DCC: variants seen among roughly 807,000 people sequenced by gnomAD.
DCC encodes DCC netrin 1 receptor, also known as netrin receptor DCC.
Under a neutral mutation model 172.5 loss-of-function variants are expected in DCC, and 58 were observed. The observed-to-expected ratio is 0.34, with a 90% CI of 0.27 to 0.42. DCC has a LOEUF of 0.42. Among genes scored for constraint, DCC ranks in the 10% least tolerant of loss-of-function variants. The probability of loss-of-function intolerance (pLI) is 1.00; values close to 1 mark genes in which losing one functional copy is unlikely to be tolerated. For missense variants in DCC, 1,740 were observed against 1,791.0 expected (o/e 0.97, Z 0.51); for synonymous variants, 709 against 644.5 (o/e 1.10, Z -1.52).
chr18:52,956,504 T>C (rs114152860), intron 5 of DCC, among the ~76,000 whole-genome samples: 157 of 152,242 alleles, frequency 1.0e-3, no homozygotes, highest in African/African-American at 3.2e-3. Flanking sequence ...AGATTTATAG[T>C]AGTAAATCTT....
chr18:52,944,114 T>C (rs1420416189), intron 5 of DCC, among the ~76,000 whole-genome samples: 2 of 152,142 alleles, frequency 1.3e-5, no homozygotes, highest in Non-Finnish European at 2.9e-5. Flanking sequence ...GGGTTTTAAA[T>C]AGTAAAATAA....
intron 1 of DCC, among the ~76,000 whole-genome samples, chr18:52,544,906 A>G (rs1002087171): frequency 6.6e-6 from 1 of 152,188 alleles, no homozygotes; most frequent in Admixed American, 6.5e-5. Context: ...AACCTAATGA[A>G]GGTTAGATTA....
At chr18:52,891,951 A>G (rs1179757729) in intron 2 of DCC, among the ~76,000 whole-genome samples, 1 of 152,102 alleles carries the variant, frequency 6.6e-6, no homozygotes, top group African/African-American at 2.4e-5. Flanking sequence ...TGTAAATCTG[A>G]TCACGTCATT....
chr18:53,394,939 C>T (rs953589059), intron 17 of DCC, among the ~76,000 whole-genome samples: 1 of 150,910 alleles, frequency 6.6e-6, no homozygotes, highest in Non-Finnish European at 1.5e-5. Context: ...GTCAGGAGTT[C>T]GAGACCAGCC....
intron 1 of DCC, among the ~76,000 whole-genome samples, chr18:52,413,161 A>G (rs1986899060): frequency 6.6e-6 from 1 of 151,716 alleles, no homozygotes; most frequent in Non-Finnish European, 1.5e-5. Flanking sequence ...TTAAAATAAT[A>G]TATCCACATT....
intron 12 of DCC, among the ~76,000 whole-genome samples, chr18:53,301,568 C>G (rs964847871): frequency 6.6e-6 from 1 of 152,170 alleles, no homozygotes; most frequent in Non-Finnish European, 1.5e-5. Flanking sequence ...CAAACAGGCT[C>G]TTTCTTTCCC....
chr18:53,370,866 G>T (rs552923872), intron 15 of DCC, among the ~76,000 whole-genome samples: 66 of 151,672 alleles, frequency 4.4e-4, no homozygotes, highest in Admixed American at 1.3e-3. Context: ...GGTTTGTTTT[G>T]TTAAGTCCTC....
intron 1 of DCC, among the ~76,000 whole-genome samples, chr18:52,402,008 A>T (rs1006445666): frequency 2.6e-5 from 4 of 151,988 alleles, no homozygotes; most frequent in African/African-American, 9.7e-5. Flanking sequence ...TTCACATAAG[A>T]TGGTTGACTG....
At chr18:53,310,949 CCGT>C in intron 13 of DCC, among the ~76,000 whole-genome samples, 1 of 147,234 alleles carries the variant, frequency 6.8e-6, no homozygotes, top group Non-Finnish European at 1.5e-5. Context: ...GCTAGTTACA[CCGT>C]ACTACCCTTA....
chr18:52,601,272 T>C (rs1379977248), intron 1 of DCC, among the ~76,000 whole-genome samples: 5 of 152,100 alleles, frequency 3.3e-5, no homozygotes, highest in Admixed American at 3.3e-4. Context: ...GTCTTTATTA[T>C]CTAGTTTGTG....
At chr18:53,056,652 G>A (rs1423893501) in intron 5 of DCC, among the ~76,000 whole-genome samples, 2 of 152,034 alleles carry the variant, frequency 1.3e-5, no homozygotes, top group Non-Finnish European at 2.9e-5. Context: ...AAGATTAATG[G>A]CCTTATTATG....
chr18:52,549,796 T>G (rs1362161661), intron 1 of DCC, among the ~76,000 whole-genome samples: 1 of 152,066 alleles, frequency 6.6e-6, no homozygotes, highest in Non-Finnish European at 1.5e-5. Flanking sequence ...TTTTATACTT[T>G]TTTTCTTTTC....
At chr18:53,384,502 C>T (rs988865499) in intron 15 of DCC, among the ~76,000 whole-genome samples, 1 of 152,012 alleles carries the variant, frequency 6.6e-6, no homozygotes, top group African/African-American at 2.4e-5. Flanking sequence ...TTATCACTTT[C>T]TCCTGAATCC....
In DCC at chr18:52,594,454, T is replaced by A. The variant is rs2033866580; in HGVS notation, c.92-157600T>A. On this transcript the variant is annotated intron_variant, in intron 1 of 28. Coordinates refer to ENST00000442544, the MANE Select transcript of DCC (RefSeq NM_005215.4). ...TAGTGACCTGCTGACTTTGGCCTTA[T>A]ACTGCCTATTGGAGAGGAGACAGGA... 1.3e-5 allele frequency among the ~76,000 whole-genome samples: 2 copies of A among 152,208 alleles called. 1 individual carries two copies. Among genetic ancestry groups the A allele is most frequent in the South Asian group, 4.1e-4 (2 of 4,830 alleles).
chr18:53,242,848 GT>G (rs1268407297), intron 12 of DCC, among the ~76,000 whole-genome samples: 1 of 150,970 alleles, frequency 6.6e-6, no homozygotes, highest in African/African-American at 2.4e-5. Flanking sequence ...GGATAAAGGT[GT>G]CCAGACCTAT....
intron 2 of DCC, among the ~76,000 whole-genome samples, chr18:52,789,248 A>G (rs1234773677): frequency 9.2e-5 from 14 of 151,760 alleles, no homozygotes; most frequent in Non-Finnish European, 2.1e-4. Flanking sequence ...GTTTTGTGAG[A>G]AAAACAGGTT....
chr18:53,513,717 G>A (rs1280928737), intron 27 of DCC, among the ~76,000 whole-genome samples: 5 of 151,432 alleles, frequency 3.3e-5, no homozygotes, highest in Non-Finnish European at 7.4e-5. Context: ...AGACAAAGAA[G>A]ACCATTACAT....
rs1202851009 is a variant in DCC at position 52,962,567 on chromosome 18, A to C, written c.985+37197A>C. Among the ~76,000 whole-genome samples the C allele has an allele frequency of 4.6e-5, 7 of 152,124 alleles. No individual in the cohort carries two copies. In the East Asian group the frequency reaches 1.2e-3, roughly 25 times the overall value. On this transcript the variant is annotated intron_variant, in intron 5 of 28. Coordinates refer to ENST00000442544, the MANE Select transcript of DCC (RefSeq NM_005215.4). Reference sequence around the variant, plus strand: ...TGTGGCGATTCCTCAGGGATCTAGAACTAGAAATACCATTTGACCCAGCCA... The same window carrying C: ...TGTGGCGATTCCTCAGGGATCTAGACCTAGAAATACCATTTGACCCAGCCA...
chr18:53,311,039 C>A (rs1599011217), intron 13 of DCC, among the ~76,000 whole-genome samples: 1 of 134,526 alleles, frequency 7.4e-6, no homozygotes, highest in Non-Finnish European at 1.6e-5. Flanking sequence ...ACTTTATGAT[C>A]CTGACAAACA....
Sources: gnomAD v4.1 joint callset for allele counts (sites outside exome capture counted in the v4.1 genomes callset) on GRCh38, gnomAD v4.1.1 for gene constraint, MANE v1.5 for transcripts, NCBI Gene and HGNC (gene_info 2026-07-23, HGNC 2026-07-21) for gene names.